PCDH9: variants seen among roughly 807,000 people sequenced by gnomAD.
PCDH9 encodes protocadherin 9, also known as protocadherin-9.
In PCDH9, 24 loss-of-function variants were observed where a neutral mutation model predicts 70.6. The ratio of observed to expected loss-of-function variants is 0.34; its 90% CI spans 0.25 to 0.48. The LOEUF (loss-of-function observed/expected upper bound fraction) is 0.48, where lower values mean the gene tolerates loss of function less well. Ranked by LOEUF, PCDH9 falls within the 20% of genes least tolerant of loss-of-function variation. The pLI, the probability that PCDH9 is intolerant of heterozygous loss-of-function variation, is 0.99. For missense variants in PCDH9, 1,281 were observed against 1,503.6 expected (o/e 0.85, Z 2.45); for synonymous variants, 562 against 558.5 (o/e 1.01, Z -0.09).
intron 4 of PCDH9, among the ~76,000 whole-genome samples, chr13:66,449,256 G>A (rs937289419): frequency 6.6e-5 from 10 of 152,110 alleles, no homozygotes; most frequent in Admixed American, 1.3e-4. Flanking sequence ...AAACAAGAAC[G>A]TTAATGAGAG....
intron 4 of PCDH9, among the ~76,000 whole-genome samples, chr13:66,550,230 A>G (rs1961420908): frequency 6.6e-6 from 1 of 152,144 alleles, no homozygotes; most frequent in Non-Finnish European, 1.5e-5. Flanking sequence ...CTTCAGGAAT[A>G]AATTCAAGTA....
At chr13:66,512,618 C>A (rs1221808367) in intron 4 of PCDH9, among the ~76,000 whole-genome samples, 10 of 151,828 alleles carry the variant, frequency 6.6e-5, no homozygotes, top group African/African-American at 2.4e-4. Context: ...GTCAGTTTGC[C>A]TATATTATTT....
intron 4 of PCDH9, among the ~76,000 whole-genome samples, chr13:66,549,397 G>A (rs1961368377): frequency 6.6e-6 from 1 of 151,890 alleles, no homozygotes; most frequent in South Asian, 2.1e-4. Flanking sequence ...CACAAGTAGT[G>A]CTATTATACA....
At chr13:66,565,051 T>A (rs181671684) in intron 4 of PCDH9, among the ~76,000 whole-genome samples, 1 of 152,184 alleles carries the variant, frequency 6.6e-6, no homozygotes, top group East Asian at 1.9e-4. Flanking sequence ...TTCTTTTAAC[T>A]GTTTCAGGAC....
At chr13:66,976,688 G>T (rs1027610218) in intron 2 of PCDH9, among the ~76,000 whole-genome samples, 3 of 152,226 alleles carry the variant, frequency 2.0e-5, no homozygotes, top group Admixed American at 2.0e-4. Flanking sequence ...CCTTTAGGTG[G>T]AAGTCAGGGT....
intron 2 of PCDH9, among the ~76,000 whole-genome samples, chr13:67,038,672 C>T (rs1175897477): frequency 6.6e-6 from 1 of 152,172 alleles, no homozygotes; most frequent in Non-Finnish European, 1.5e-5. Context: ...CTTCTTCATA[C>T]TATTGTGATA....
At position 66,792,572 on chromosome 13, in the gene PCDH9, C is replaced by T. The variant is rs184218501; in HGVS notation, c.3138+110932G>A. 2.6e-4 allele frequency among the ~76,000 whole-genome samples: 39 copies of T among 152,126 alleles called. 1 individual carries two copies. In the South Asian group the frequency reaches 6.0e-3, roughly 23 times the overall value. On this transcript the variant is annotated intron_variant, in intron 3 of 4. Transcript: ENST00000377865. ...TAATCCCAACTACTCCGGAAGCTGACGCAGGAGAATCACCCGGACCCAGAT... is the reference window on the plus strand; with the variant it reads ...TAATCCCAACTACTCCGGAAGCTGATGCAGGAGAATCACCCGGACCCAGAT...
At chr13:66,662,869 A>G (rs1459521969) in intron 3 of PCDH9, among the ~76,000 whole-genome samples, 1 of 152,222 alleles carries the variant, frequency 6.6e-6, no homozygotes, top group African/African-American at 2.4e-5. Context: ...ATGAGTAGAT[A>G]AGACATAACT....
intron 2 of PCDH9, among the ~76,000 whole-genome samples, chr13:66,934,752 G>T (rs1246816441): frequency 2.0e-5 from 2 of 98,442 alleles, no homozygotes; most frequent in South Asian, 7.4e-4. Flanking sequence ...ACGGAGTCTC[G>T]CTCTGTCGCC....
intron 2 of PCDH9, among the ~76,000 whole-genome samples, chr13:66,934,572 C>A (rs1460688130): frequency 8.0e-5 from 7 of 87,866 alleles, no homozygotes; most frequent in East Asian, 5.6e-4. Context: ...AAGAAAAATA[C>A]AAAAACTCCT....
intron 4 of PCDH9, among the ~76,000 whole-genome samples, chr13:66,544,107 T>C (rs750854294): frequency 1.1e-4 from 17 of 152,324 alleles, no homozygotes; most frequent in Non-Finnish European, 2.1e-4. Context: ...TTTATACTTA[T>C]GATATACAGG....
intron 4 of PCDH9, among the ~76,000 whole-genome samples, chr13:66,384,780 T>A (rs141215014): frequency 4.6e-5 from 7 of 152,198 alleles, no homozygotes; most frequent in Non-Finnish European, 5.9e-5. Flanking sequence ...TCTTCCTGCC[T>A]CAGCCTCCCG....
intron 3 of PCDH9, among the ~76,000 whole-genome samples, chr13:66,754,527 T>A (rs1053345113): frequency 6.6e-6 from 1 of 152,000 alleles, no homozygotes; most frequent in African/African-American, 2.4e-5. Context: ...GTCCAGAGCT[T>A]TCAAGAAACA....
intron 3 of PCDH9, among the ~76,000 whole-genome samples, chr13:66,753,413 G>C (rs1017830792): frequency 2.6e-5 from 4 of 152,080 alleles, no homozygotes; most frequent in African/African-American, 9.7e-5. Flanking sequence ...GGAAATGCTT[G>C]ATCTAATCAC....
At chr13:66,878,962 A>T (rs1467814818) in intron 3 of PCDH9, among the ~76,000 whole-genome samples, 1 of 152,202 alleles carries the variant, frequency 6.6e-6, no homozygotes, top group Non-Finnish European at 1.5e-5. Context: ...AAACAAGGAA[A>T]TGCATGCATC....
chr13:66,688,835 T>C (rs990779364), intron 3 of PCDH9, among the ~76,000 whole-genome samples: 1 of 152,168 alleles, frequency 6.6e-6, no homozygotes, highest in Admixed American at 6.6e-5. Context: ...CCTGTTGTTA[T>C]ATATATGGCA....
intron 3 of PCDH9, among the ~76,000 whole-genome samples, chr13:66,867,063 T>C (rs2081589904): frequency 6.6e-6 from 1 of 151,660 alleles, no homozygotes; most frequent in South Asian, 2.1e-4. Context: ...CTGAGGGCTG[T>C]ATTGCTCTTT....
intron 4 of PCDH9, among the ~76,000 whole-genome samples, chr13:66,607,496 A>G (rs2077236004): frequency 6.6e-6 from 1 of 152,060 alleles, no homozygotes; most frequent in African/African-American, 2.4e-5. Flanking sequence ...TGAACTACTC[A>G]TAGTAAAGGC....
intron 2 of PCDH9, chr13:66,977,335 T>A (rs887210283): frequency 6.6e-6 from 1 of 152,036 alleles, no homozygotes; most frequent in African/African-American, 2.4e-5. Flanking sequence ...GCCTGAATCA[T>A]AGGCTGTACT....
Sources: gnomAD v4.1 joint callset for allele counts (sites outside exome capture counted in the v4.1 genomes callset) on GRCh38, gnomAD v4.1.1 for gene constraint, MANE v1.5 for transcripts, NCBI Gene and HGNC (gene_info 2026-07-23, HGNC 2026-07-21) for gene names.